SDK1: variants seen among roughly 807,000 people sequenced by gnomAD.
SDK1 encodes the protein protein sidekick-1.
Under a neutral mutation model 245.5 loss-of-function variants are expected in SDK1, and 157 were observed. The observed-to-expected ratio is 0.64, with a 90% CI of 0.56 to 0.73. SDK1 has a LOEUF of 0.73. Ranked by LOEUF, SDK1 falls within the 30% of genes least tolerant of loss-of-function variation. The pLI is 0.00. For missense variants in SDK1, 3,583 were observed against 3,002.3 expected, an observed-to-expected ratio of 1.19 and a Z score of -4.52; for synonymous variants, 1,647 against 1,278.5, an observed-to-expected ratio of 1.29 and a Z score of -6.15.
intron 1 of SDK1, among the ~76,000 whole-genome samples, chr7:3,468,239 C>G (rs1781071208): frequency 6.6e-6 from 1 of 152,030 alleles, no homozygotes; most frequent in Admixed American, 6.6e-5. Context: ...AAATGTGATT[C>G]TCTCATGTCC....
chr7:4,170,842 A>G (rs1781796731), intron 32 of SDK1, among the ~76,000 whole-genome samples: 1 of 152,062 alleles, frequency 6.6e-6, no homozygotes, highest in South Asian at 2.1e-4. Context: ...GGAGCTGGAG[A>G]AAGAGCAAAT....
chr7:3,969,211 C>G, intron 10 of SDK1, 46 bp from the exon 11 acceptor site: 1 of 1,470,654 alleles, frequency 6.8e-7, no homozygotes, highest in Non-Finnish European at 9.1e-7. Context: ...TCATTTCCTT[C>G]AAGCGTTACG....
intron 1 of SDK1, among the ~76,000 whole-genome samples, chr7:3,554,095 A>G (rs139860370): frequency 1.3e-5 from 2 of 152,318 alleles, no homozygotes; most frequent in East Asian, 1.9e-4. Flanking sequence ...GAACAACACA[A>G]TCAAGCAACA....
At chr7:3,308,513 A>C (rs1361720606) in intron 1 of SDK1, among the ~76,000 whole-genome samples, 1 of 151,958 alleles carries the variant, frequency 6.6e-6, no homozygotes, top group Non-Finnish European at 1.5e-5. Flanking sequence ...AGTGAAGATA[A>C]CAGCTATCAA....
At chr7:3,921,683 G>A (rs1254471606) in intron 5 of SDK1, among the ~76,000 whole-genome samples, 3 of 152,186 alleles carry the variant, frequency 2.0e-5, no homozygotes, top group East Asian at 1.9e-4. Flanking sequence ...AAAACTCCCC[G>A]GGCCAGGCAC....
intron 13 of SDK1, among the ~76,000 whole-genome samples, chr7:3,978,215 A>G (rs1414322392): frequency 1.3e-5 from 2 of 152,186 alleles, no homozygotes; most frequent in East Asian, 1.9e-4. Context: ...TATCAAATAA[A>G]TAAGCGTTAG....
chr7:3,669,678 A>C (rs1783635966), intron 4 of SDK1, among the ~76,000 whole-genome samples: 2 of 152,068 alleles, frequency 1.3e-5, no homozygotes, highest in South Asian at 4.2e-4. Flanking sequence ...TCCTTAGGTA[A>C]GTTCATCCAA....
chr7:3,498,936 G>A (rs759913826), intron 1 of SDK1, among the ~76,000 whole-genome samples: 1 of 152,058 alleles, frequency 6.6e-6, no homozygotes, highest in Non-Finnish European at 1.5e-5. Flanking sequence ...GCATCAATTT[G>A]GGAATGAATA....
intron 35 of SDK1, 145 bp downstream of exon 35, chr7:4,178,731 C>T: frequency 1.6e-6 from 1 of 615,982 alleles, no homozygotes; most frequent in Non-Finnish European, 2.9e-6. Context: ...GTCTCCACGC[C>T]ACTGGCAGGG....
chr7:3,651,544 A>C (rs150071520), intron 4 of SDK1, among the ~76,000 whole-genome samples: 1 of 152,206 alleles, frequency 6.6e-6, no homozygotes, highest in African/African-American at 2.4e-5. Context: ...AAAATCTAGA[A>C]GGAAGGCCAA....
rs35013618 is a variant in SDK1, at chr7:3,330,807, TAAAAAA to T, written c.298+28939_298+28944del. Among the ~76,000 whole-genome samples the T allele has an allele frequency of 1.2e-3, 138 of 115,348 alleles. 2 individuals are homozygous for T. In the East Asian group the frequency reaches 0.032, roughly 27 times the overall value. 75.7% of individuals were successfully genotyped at this position (115,348 alleles called of 152,430 possible). On this transcript the variant is annotated intron_variant, in intron 1 of 44. Transcript: ENST00000404826. ...GGCAACATAACAAAACCATTTCGCT[TAAAAAA>T]AAAAAAAAAAAAAAACCAGGTGTGG...
chr7:3,790,265 T>C (rs1187325531), intron 4 of SDK1, among the ~76,000 whole-genome samples: 1 of 152,158 alleles, frequency 6.6e-6, no homozygotes, highest in East Asian at 1.9e-4. Context: ...CTTTCAGATA[T>C]TTATATCTGA....
intron 4 of SDK1, among the ~76,000 whole-genome samples, chr7:3,685,689 T>C (rs558341637): frequency 6.6e-6 from 1 of 152,250 alleles, no homozygotes; most frequent in South Asian, 2.1e-4. Context: ...GGAACCTAAA[T>C]GGAAGTAAGG....
chr7:4,120,380 G>A lies in SDK1; in HGVS notation c.3823+6106G>A, dbSNP rs533053887. Among the ~76,000 whole-genome samples the A allele has an allele frequency of 8.7e-5, 13 of 148,656 alleles. 1 individual carries two copies. The highest frequency in any genetic ancestry group is 2.7e-4 in the African/African-American group (11 of 40,730). On this transcript the variant is annotated intron_variant, in intron 25 of 44. Transcript: ENST00000404826. ...ATCTTAAAAACAATTGGAGTGAAAG[G>A]CAAATAATCACAAAGGCAAGACCAT...
chr7:3,638,794 AT>A (rs1434443567), intron 2 of SDK1, among the ~76,000 whole-genome samples: 7 of 151,276 alleles, frequency 4.6e-5, no homozygotes, highest in African/African-American at 1.2e-4. Context: ...TAATAATAAA[AT>A]TTAAAAAAAA....
chr7:4,173,783 G>C (rs944368751), intron 32 of SDK1, among the ~76,000 whole-genome samples: 1 of 152,168 alleles, frequency 6.6e-6, no homozygotes, highest in Non-Finnish European at 1.5e-5. Flanking sequence ...GTACAGTACG[G>C]CAGCCACAGC....
chr7:4,266,856 C>T lies in SDK1; in HGVS notation c.*1472C>T, dbSNP rs894925818. On this transcript the variant is annotated 3_prime_UTR_variant, in exon 45 of 45. Coordinates refer to ENST00000404826, the MANE Select transcript of SDK1 (RefSeq NM_152744.4). Reference sequence around the variant, plus strand: ...GTGACACACACAAGACTCAAGACCACCCTGTCAGTGCCCCCCAGTGCACGG... The same window carrying T: ...GTGACACACACAAGACTCAAGACCATCCTGTCAGTGCCCCCCAGTGCACGG... 8.1e-6 allele frequency: 8 copies of T among 985,462 alleles called. No individual in the cohort carries two copies. The highest frequency in any genetic ancestry group is 8.4e-6 in the Non-Finnish European group (7 of 830,030). The allele number at this position is 985,462 out of a possible 1,614,324, so 61.0% of individuals were successfully genotyped here. A position where few individuals can be genotyped will look rare whatever the true frequency, so the allele number is the denominator to read the frequency against.
At chr7:3,407,701 A>G (rs1237828622) in intron 1 of SDK1, among the ~76,000 whole-genome samples, 1 of 152,192 alleles carries the variant, frequency 6.6e-6, no homozygotes, top group Non-Finnish European at 1.5e-5. Context: ...AAGTTCTTTC[A>G]TTTTGCAGTT....
chr7:3,770,975 G>A (rs1780391173), intron 4 of SDK1, among the ~76,000 whole-genome samples: 1 of 152,274 alleles, frequency 6.6e-6, no homozygotes, highest in African/African-American at 2.4e-5. Context: ...CAATAGGCAG[G>A]TATTGTTGCT....
Sources: gnomAD v4.1 joint callset for allele counts (sites outside exome capture counted in the v4.1 genomes callset) on GRCh38, gnomAD v4.1.1 for gene constraint, MANE v1.5 for transcripts, NCBI Gene and HGNC (gene_info 2026-07-23, HGNC 2026-07-21) for gene names.